Variants in POC1B observed in about 807,000 individuals in gnomAD.
POC1B encodes the protein POC1 centriolar protein B.
POC1B carries 44 observed loss-of-function variants against 60.6 expected under a neutral mutation model. That is an observed-to-expected ratio of 0.73 (90% confidence interval 0.57 to 0.93). The LOEUF (loss-of-function observed/expected upper bound fraction) is 0.93, where lower values mean the gene tolerates loss of function less well. Among genes scored for constraint, POC1B ranks in the 40% least tolerant of loss-of-function variants. The pLI, the probability that POC1B is intolerant of heterozygous loss-of-function variation, is 0.00. For synonymous variants in POC1B, 180 were observed against 198.9 expected (o/e 0.90, Z 0.80); for missense variants, 555 against 572.3 (o/e 0.97, Z 0.31).
intron 2 of POC1B, among the ~76,000 whole-genome samples, chr12:89,517,739 ATTAT>A (rs1156663103): frequency 6.6e-6 from 1 of 152,092 alleles, no homozygotes; most frequent in Non-Finnish European, 1.5e-5. Context: ...TTACTTGTTA[ATTAT>A]TTGTCTCCAC....
intron 2 of POC1B, among the ~76,000 whole-genome samples, chr12:89,507,622 A>G (rs1357258503): frequency 6.6e-6 from 1 of 152,262 alleles, no homozygotes; most frequent in Admixed American, 6.5e-5. Flanking sequence ...TTCTATAACA[A>G]TAATCCATTG....
intron 9 of POC1B, among the ~76,000 whole-genome samples, chr12:89,462,971 G>A (rs1430802442): frequency 2.0e-5 from 3 of 152,054 alleles, no homozygotes; most frequent in African/African-American, 7.2e-5. Context: ...ATAGACAAGT[G>A]GTCATTTTAA....
chr12:89,520,147 T>C (rs1268845219), intron 2 of POC1B: 1 of 152,122 alleles, frequency 6.6e-6, no homozygotes, highest in Non-Finnish European at 1.5e-5. Flanking sequence ...CTAACTATAC[T>C]GGATTATTGA....
At position 89,458,396 on chromosome 12, in the gene POC1B, G is replaced by A. The variant is rs12582718; in HGVS notation, c.1113+1242C>T. ...TTATTAATGCAGCAATGCTGCTAGA[G>A]TTATAAACATGAATACTGTAAGAAA... On this transcript the variant is annotated intron_variant, in intron 10 of 11. Coordinates refer to ENST00000313546, the MANE Select transcript of POC1B (RefSeq NM_172240.3). Among the ~76,000 whole-genome samples the A allele has an allele frequency of 5.1e-4, 78 of 152,328 alleles. 1 individual carries two copies. The East Asian group carries it at 0.014, about 27-fold the overall frequency.
intron 2 of POC1B, among the ~76,000 whole-genome samples, chr12:89,508,335 A>T (rs1327785450): frequency 1.3e-5 from 2 of 152,234 alleles, no homozygotes; most frequent in African/African-American, 4.8e-5. Flanking sequence ...CAGAAAAATT[A>T]CAGAAGAGTT....
At chr12:89,477,251 G>T (rs990355300) in intron 4 of POC1B, among the ~76,000 whole-genome samples, 1 of 152,172 alleles carries the variant, frequency 6.6e-6, no homozygotes, top group Non-Finnish European at 1.5e-5. Flanking sequence ...TTAAGTGTTG[G>T]TCAGCATTAG....
the POC1B span, among the ~76,000 whole-genome samples, chr12:89,407,471 C>T: frequency 1.3e-5 from 2 of 152,106 alleles, no homozygotes; most frequent in Non-Finnish European, 2.9e-5. Context: ...CTCCTAACCT[C>T]GAGTGATCCA....
At chr12:89,412,807 G>C in the POC1B span, among the ~76,000 whole-genome samples, 1 of 127,486 alleles carries the variant, frequency 7.8e-6, no homozygotes, top group Non-Finnish European at 1.6e-5. Context: ...AGAAACACAT[G>C]TTCCTTCCTT....
At chr12:89,404,775 C>G in the POC1B span, among the ~76,000 whole-genome samples, 1 of 152,136 alleles carries the variant, frequency 6.6e-6, no homozygotes, top group Non-Finnish European at 1.5e-5. Context: ...CTAAAATAAA[C>G]CAGATGAGTC....
At position 89,425,187 on chromosome 12, in the gene POC1B, T is replaced by C. The variant is rs953230607; in HGVS notation, c.1306A>G (p.Met436Val). Residue 436 changes from methionine to valine, a missense_variant, in exon 11 of 12, where the codon ATG becomes GTG. Met to Val is a conservative substitution (Grantham distance 21). Coordinates refer to ENST00000313546, the MANE Select transcript of POC1B (RefSeq NM_172240.3). ...LAVTDALEHI[M>V]EQLNVLTQTV... Reference sequence around the variant, plus strand: ...TGTGTCAAAACATTGAGTTGTTCCATAATATGCTCTAAAGCATCAGTCACA... The same window carrying C: ...TGTGTCAAAACATTGAGTTGTTCCACAATATGCTCTAAAGCATCAGTCACA... 3.7e-6 allele frequency: 6 copies of C among 1,614,160 alleles called. No homozygotes were observed. Among genetic ancestry groups the C allele is most frequent in the South Asian group, 1.1e-5 (1 of 91,088 alleles).
At chr12:89,441,672 A>G (rs1489719601) in intron 10 of POC1B, among the ~76,000 whole-genome samples, 1 of 152,236 alleles carries the variant, frequency 6.6e-6, no homozygotes, top group Non-Finnish European at 1.5e-5. Flanking sequence ...GAGAAGCCAG[A>G]GCAGAAAAGC....
At chr12:89,497,818 A>G (rs1017721327) in intron 2 of POC1B, among the ~76,000 whole-genome samples, 3 of 152,220 alleles carry the variant, frequency 2.0e-5, no homozygotes, top group Non-Finnish European at 2.9e-5. Context: ...AATAGTACAA[A>G]TAACACTAAT....
intron 4 of POC1B, among the ~76,000 whole-genome samples, chr12:89,475,351 C>G (rs1008605501): frequency 6.6e-6 from 1 of 152,122 alleles, no homozygotes; most frequent in Non-Finnish European, 1.5e-5. Flanking sequence ...AACCTGGTGC[C>G]AGAAGGAGGC....
chr12:89,456,811 A>C (rs1437815780), intron 10 of POC1B, among the ~76,000 whole-genome samples: 10 of 152,196 alleles, frequency 6.6e-5, no homozygotes, highest in Non-Finnish European at 1.3e-4. Context: ...TGTAGTGAGA[A>C]GACATCAGAG....
intron 2 of POC1B, chr12:89,523,730 T>C (rs753516946): frequency 2.6e-6 from 4 of 1,548,694 alleles, no homozygotes; most frequent in East Asian, 4.5e-5. Context: ...CCACCAATCA[T>C]GGGCTCCCCT....
chr12:89,452,530 C>CT (rs1197858204), intron 10 of POC1B, among the ~76,000 whole-genome samples: 2 of 151,830 alleles, frequency 1.3e-5, no homozygotes, highest in Non-Finnish European at 2.9e-5. Flanking sequence ...TTTTTAAAAA[C>CT]TTTAAGAGTA....
At chr12:89,452,094 C>T (rs999888959) in intron 10 of POC1B, among the ~76,000 whole-genome samples, 1 of 152,086 alleles carries the variant, frequency 6.6e-6, no homozygotes, top group Non-Finnish European at 1.5e-5. Flanking sequence ...GTTTCTCTTC[C>T]ACAGGAAGAG....
chr12:89,436,008 G>A (rs1031668918), intron 10 of POC1B, among the ~76,000 whole-genome samples: 2 of 150,794 alleles, frequency 1.3e-5, no homozygotes, highest in African/African-American at 2.4e-5. Flanking sequence ...GTAGTGGCAC[G>A]ATCTCGACTC....
At chr12:89,511,068 T>A (rs1870162992) in intron 2 of POC1B, among the ~76,000 whole-genome samples, 1 of 152,108 alleles carries the variant, frequency 6.6e-6, no homozygotes. Context: ...AGTACATATT[T>A]TAGATAACTT....
Sources: gnomAD v4.1 joint callset for allele counts (sites outside exome capture counted in the v4.1 genomes callset) on GRCh38, gnomAD v4.1.1 for gene constraint, MANE v1.5 for transcripts, NCBI Gene and HGNC (gene_info 2026-07-23, HGNC 2026-07-21) for gene names.